Variants in BRAF observed in about 807,000 individuals in gnomAD.
BRAF encodes B-Raf proto-oncogene, serine/threonine kinase.
In BRAF, 16 loss-of-function variants were observed where a neutral mutation model predicts 104.6. That is an observed-to-expected ratio of 0.15 (90% CI 0.10 to 0.23). The LOEUF is 0.23. Ranked by LOEUF, BRAF falls within the 10% of genes least tolerant of loss-of-function variation. BRAF has a pLI of 1.00. For missense variants in BRAF, 541 were observed against 937.3 expected, an observed-to-expected ratio of 0.58 and a Z score of 5.52; for synonymous variants, 310 against 341.6, an observed-to-expected ratio of 0.91 and a Z score of 1.02.
intron 2 of BRAF, among the ~76,000 whole-genome samples, chr7:140,840,444 C>G (rs578161184): frequency 1.3e-5 from 2 of 152,080 alleles, no homozygotes; most frequent in East Asian, 3.9e-4. Context: ...GGAAAAAATA[C>G]CACAGAATGG....
At chr7:140,864,773 G>C (rs1237622381) in intron 1 of BRAF, among the ~76,000 whole-genome samples, 1 of 152,128 alleles carries the variant, frequency 6.6e-6, no homozygotes, top group Non-Finnish European at 1.5e-5. Flanking sequence ...CAGATGTATT[G>C]GGGCTGGGAG....
At chr7:140,787,644 T>A in intron 8 of BRAF, 60 bp from the exon 9 acceptor site, 1 of 1,401,706 alleles carries the variant, frequency 7.1e-7, no homozygotes, top group Non-Finnish European at 1.0e-6. Context: ...AGAGTAGCGA[T>A]AACACTGAAT....
At chr7:140,789,973 G>A (rs779112889) in intron 8 of BRAF, among the ~76,000 whole-genome samples, 18 of 152,102 alleles carry the variant, frequency 1.2e-4, no homozygotes, top group Non-Finnish European at 2.2e-4. Flanking sequence ...CAGGCGATCC[G>A]CCTGCCTTGG....
intron 14 of BRAF, among the ~76,000 whole-genome samples, chr7:140,772,308 AACAAC>A (rs869274883): frequency 1.4e-5 from 2 of 148,016 alleles, no homozygotes; most frequent in South Asian, 4.2e-4. Flanking sequence ...CAACAACAAC[AACAAC>A]AAAGTTCAAT....
chr7:140,780,263 A>G (rs1267641), intron 12 of BRAF: 2 of 143,312 alleles, frequency 1.4e-5, no homozygotes, highest in Non-Finnish European at 3.0e-5. Flanking sequence ...TTTTTTTTTT[A>G]AGACAGTCTC....
intron 1 of BRAF, among the ~76,000 whole-genome samples, chr7:140,907,655 TG>T (rs1169614598): frequency 1.2e-4 from 19 of 152,002 alleles, no homozygotes; most frequent in Admixed American, 1.2e-3. Context: ...CTCAAACTCC[TG>T]GGCTCAAGCG....
intron 2 of BRAF, among the ~76,000 whole-genome samples, chr7:140,837,937 G>A (rs2129064691): frequency 6.6e-6 from 1 of 152,252 alleles, no homozygotes; most frequent in Admixed American, 6.5e-5. Context: ...AATATTGGGT[G>A]TTTAGGGCCT....
In BRAF at chr7:140,720,785, C is replaced by T; in HGVS notation, c.*5709G>A. 9.4e-7 allele frequency: 1 copy of T among 1,066,046 alleles called. No individual in the cohort carries two copies. The highest frequency in any genetic ancestry group is 1.1e-6 in the Non-Finnish European group (1 of 879,784). The allele number at this position is 1,066,046 out of a possible 1,614,324, so 66.0% of individuals were successfully genotyped here. The stretch of plus-strand genomic sequence containing the variant: ...ACCAAAACACACGTGGGTTCAAAAA[C>T]TTAACACAAAAATGCAACGCAGTAA... On this transcript the variant is annotated 3_prime_UTR_variant, in exon 20 of 20. Coordinates refer to ENST00000644969, the MANE Select transcript of BRAF (RefSeq NM_001374258.1).
intron 19 of BRAF, chr7:140,734,226 T>G (rs1796197188): frequency 8.7e-7 from 1 of 1,147,484 alleles, no homozygotes; most frequent in African/African-American, 1.6e-5. Flanking sequence ...CAGGCATAGG[T>G]AGGGTCTTCT....
At chr7:140,784,960 T>C (rs1173892904) in intron 10 of BRAF, among the ~76,000 whole-genome samples, 2 of 152,178 alleles carry the variant, frequency 1.3e-5, no homozygotes, top group Non-Finnish European at 2.9e-5. Context: ...CTTAAGTTTT[T>C]ACAAATCAGT....
intron 8 of BRAF, among the ~76,000 whole-genome samples, chr7:140,790,291 T>C (rs1258968563): frequency 6.6e-6 from 1 of 152,188 alleles, no homozygotes. Context: ...AAACTTAGAT[T>C]TTTAAATTCC....
At chr7:140,768,805 C>T (rs1799572146) in intron 14 of BRAF, among the ~76,000 whole-genome samples, 1 of 151,954 alleles carries the variant, frequency 6.6e-6, no homozygotes, top group Admixed American at 6.6e-5. Context: ...CCAGGAGTGA[C>T]TTCTACAGTT....
intron 3 of BRAF, among the ~76,000 whole-genome samples, chr7:140,820,368 T>C (rs1364178192): frequency 6.6e-6 from 1 of 152,192 alleles, no homozygotes; most frequent in East Asian, 1.9e-4. Context: ...CCAATAAAAG[T>C]ATTCCCACAG....
intron 1 of BRAF, among the ~76,000 whole-genome samples, chr7:140,876,841 GTTC>G (rs1812317583): frequency 6.6e-6 from 1 of 151,974 alleles, no homozygotes; most frequent in Non-Finnish European, 1.5e-5. Context: ...CTGAATACAT[GTTC>G]TTGTCAAATG....
At chr7:140,715,736 A>G (rs1199644140), downstream of BRAF, among the ~76,000 whole-genome samples, 4 of 152,234 alleles carry the variant, frequency 2.6e-5, no homozygotes, top group Admixed American at 2.6e-4. Context: ...AGGAGTCCCA[A>G]AAGGATTTTA....
At chr7:140,865,377 G>C (rs1484914515) in intron 1 of BRAF, among the ~76,000 whole-genome samples, 4 of 152,182 alleles carry the variant, frequency 2.6e-5, no homozygotes, top group African/African-American at 4.8e-5. Flanking sequence ...ACTGCGCCCA[G>C]CCAGCAAACG....
chr7:140,756,680 A>G (rs1798230880), intron 14 of BRAF, among the ~76,000 whole-genome samples: 1 of 152,220 alleles, frequency 6.6e-6, no homozygotes, highest in Non-Finnish European at 1.5e-5. Context: ...GGATAATTAG[A>G]TTGGACCTCC....
Position 140,724,024 on chromosome 7 carries a change from A to G in BRAF, c.*2470T>C. ...AAATATTTTATTTTTTAAGGTATCT[A>G]TAAAAATCTCAATATGCTAAGCCTG... On this transcript the variant is annotated 3_prime_UTR_variant, in exon 20 of 20. Transcript: ENST00000644969. The G allele has an allele frequency of 1.9e-6, 2 of 1,044,844 alleles. No individual in the cohort carries two copies. Among genetic ancestry groups the G allele is most frequent in the Non-Finnish European group, 1.2e-6 (1 of 866,402 alleles). The allele number at this position is 1,044,844 out of a possible 1,614,324, so 64.7% of individuals were successfully genotyped here.
At chr7:140,818,788 C>T (rs1805162762) in intron 3 of BRAF, among the ~76,000 whole-genome samples, 1 of 152,176 alleles carries the variant, frequency 6.6e-6, no homozygotes, top group African/African-American at 2.4e-5. Context: ...AAGACCACAT[C>T]CAGGGTCTAT....
Sources: allele counts gnomAD v4.1 joint callset (sites outside exome capture counted in the v4.1 genomes callset), GRCh38; gene constraint gnomAD v4.1.1; transcripts MANE v1.5; gene names NCBI Gene and HGNC (gene_info 2026-07-23, HGNC 2026-07-21).